The following RNF19B variants were observed in gnomAD, a reference collection of about 807,000 sequenced individuals.
The protein encoded by RNF19B is ring finger protein 19B.
Under a neutral mutation model 65.5 loss-of-function variants are expected in RNF19B, and 23 were observed. The observed-to-expected ratio is 0.35, with a 90% CI of 0.25 to 0.50. RNF19B has a LOEUF of 0.50. Among genes scored for constraint, RNF19B ranks in the 20% least tolerant of loss-of-function variants. RNF19B has a pLI of 0.98. For synonymous variants in RNF19B, 372 were observed against 379.6 expected, an observed-to-expected ratio of 0.98 and a Z score of 0.23; for missense variants, 794 against 980.0, an observed-to-expected ratio of 0.81 and a Z score of 2.53.
chr1:32,941,176 T>C (rs1037212197), intron 7 of RNF19B, among the ~76,000 whole-genome samples: 5 of 151,976 alleles, frequency 3.3e-5, no homozygotes, highest in Admixed American at 3.3e-4. Flanking sequence ...TGAGCCATGA[T>C]TGTGCCACTG....
At chr1:32,929,325 C>A in the RNF19B span, among the ~76,000 whole-genome samples, 972 of 152,250 alleles carry the variant, frequency 6.4e-3, 15 homozygotes, top group African/African-American at 0.022. Flanking sequence ...GCCAATAAGA[C>A]CTCATCTTAA....
At chr1:32,953,152 TAG>T (rs1322597692) in intron 1 of RNF19B, among the ~76,000 whole-genome samples, 1 of 151,460 alleles carries the variant, frequency 6.6e-6, no homozygotes, top group African/African-American at 2.4e-5. Context: ...TTTTTTTTTG[TAG>T]AGACAGGGTT....
chr1:32,956,399 T>C (rs570997987), intron 1 of RNF19B, among the ~76,000 whole-genome samples: 1 of 151,558 alleles, frequency 6.6e-6, no homozygotes, highest in African/African-American at 2.4e-5. Context: ...ACAACAAAAA[T>C]TAGCCGAGTG....
In RNF19B at chr1:32,936,597, G is replaced by T; in HGVS notation, c.*209C>A. On this transcript the variant is annotated 3_prime_UTR_variant, in exon 9 of 9. Transcript: ENST00000235150. ...AATAAATTAAAACTAAAAAGAGGGA[G>T]GGGAGGGGAGGGGAACTAACGGCAA... 1 of 486,978 alleles carries T rather than the reference G, an allele frequency of 2.1e-6. No individual in the cohort carries two copies. 30.2% of individuals were successfully genotyped at this position (486,978 alleles called of 1,614,324 possible). A position where few individuals can be genotyped will look rare whatever the true frequency, so the allele number is the denominator to read the frequency against.
chr1:32,934,313 G>A (rs1282956433), downstream of RNF19B, among the ~76,000 whole-genome samples: 1 of 152,194 alleles, frequency 6.6e-6, no homozygotes, highest in African/African-American at 2.4e-5. Flanking sequence ...TGGTCTTCAG[G>A]GAAAGGAGGA....
chr1:32,963,212 G>C (rs750792046), intron 1 of RNF19B, among the ~76,000 whole-genome samples: 1 of 152,120 alleles, frequency 6.6e-6, no homozygotes, highest in Non-Finnish European at 1.5e-5. Flanking sequence ...GCGTGGCACA[G>C]AACACATAGT....
At chr1:32,954,272 A>G (rs1376277169) in intron 1 of RNF19B, among the ~76,000 whole-genome samples, 1 of 151,322 alleles carries the variant, frequency 6.6e-6, no homozygotes, top group East Asian at 1.9e-4. Flanking sequence ...GTCAATTTTG[A>G]GTGTGTAATT....
At chr1:32,929,208 C>A in the RNF19B span, among the ~76,000 whole-genome samples, 1 of 152,158 alleles carries the variant, frequency 6.6e-6, no homozygotes, top group East Asian at 1.9e-4. Flanking sequence ...CTGCATCACC[C>A]CAGTCTCTGC....
At chr1:32,933,490 T>C (rs549171786), downstream of RNF19B, among the ~76,000 whole-genome samples, 2 of 152,002 alleles carry the variant, frequency 1.3e-5, no homozygotes, top group South Asian at 4.2e-4. Flanking sequence ...CTCCCGACCT[T>C]GTGAGCCGCC....
chr1:32,963,508 G>T (rs939755859), intron 1 of RNF19B, among the ~76,000 whole-genome samples: 3 of 152,086 alleles, frequency 2.0e-5, no homozygotes, highest in Admixed American at 6.6e-5. Flanking sequence ...CTGAGGTCAG[G>T]AGTTCGAGAC....
At chr1:32,945,882 T>TTA (rs1019936820) in intron 4 of RNF19B, among the ~76,000 whole-genome samples, 4 of 150,446 alleles carry the variant, frequency 2.7e-5, no homozygotes, top group South Asian at 2.1e-4. Context: ...CTTCTTTTAT[T>TTA]TTTTTTTTTG....
At chr1:32,951,445 G>A (rs1642496910) in intron 1 of RNF19B, among the ~76,000 whole-genome samples, 1 of 152,214 alleles carries the variant, frequency 6.6e-6, no homozygotes, top group African/African-American at 2.4e-5. Context: ...GCACATGCAG[G>A]AGCCACCAGT....
intron 1 of RNF19B, among the ~76,000 whole-genome samples, chr1:32,953,310 G>T (rs1642555039): frequency 6.6e-6 from 1 of 151,812 alleles, no homozygotes; most frequent in South Asian, 2.1e-4. Context: ...GTAATTGCAG[G>T]TTTCCGTGTT....
chr1:32,935,359 G>A (rs1204206338), downstream of RNF19B, among the ~76,000 whole-genome samples: 3 of 151,468 alleles, frequency 2.0e-5, no homozygotes, highest in Non-Finnish European at 2.9e-5. Flanking sequence ...GGCTGGTCTC[G>A]AACTCCTGAC....
rs1287508616 is a variant in RNF19B, at chr1:32,964,119, C to T, written c.567G>A (p.Glu189=). 2 of 1,541,514 alleles carry T rather than the reference C, an allele frequency of 1.3e-6. No individual in the cohort carries two copies. Among genetic ancestry groups the T allele is most frequent in the Non-Finnish European group, 1.7e-6 (2 of 1,143,310 alleles). Residue 189 remains glutamate, a synonymous_variant, in exon 1 of 9, where the codon GAG becomes GAA. Transcript: ENST00000235150. The surrounding 1 kb of genome is among the most constrained non-coding windows in gnomAD (Gnocchi z 6.5). ...CTAGGTAGCGGCGCAGCATGAACTC[C>T]TCGTACTTGTGCATAAGCGGCGGGT... ...LADPPLMHKY[E]EFMLRRYLAS... is the part of the protein sequence containing the mutation.
intron 1 of RNF19B, among the ~76,000 whole-genome samples, chr1:32,957,795 C>T (rs574369259): frequency 6.6e-6 from 1 of 152,312 alleles, no homozygotes; most frequent in South Asian, 2.1e-4. Context: ...GATGGCACAA[C>T]TGCACTCCAG....
At position 32,937,155 on chromosome 1, in the gene RNF19B, T is replaced by C; in HGVS notation, c.1847A>G (p.Gln616Arg). 10 of 1,614,242 alleles carry C rather than the reference T, an allele frequency of 6.2e-6. No homozygotes were observed. Among genetic ancestry groups the C allele is most frequent in the Non-Finnish European group, 8.5e-6 (10 of 1,180,052 alleles). Residue 616 changes from glutamine (Q) to arginine (R), a missense_variant, in exon 9 of 9, where the codon CAG (glutamine) becomes CGG (arginine). Gln to Arg is a conservative substitution (Grantham distance 43). Around this residue, in one of 3 missense-constraint regions of RNF19B, gnomAD observed 368 missense variants for 447.3 expected, o/e 0.82. Transcript: ENST00000235150. ...STEDSLHVHA[Q>R]MAENEEEGSG... ...ACCTTCTTCTTCATTCTCTGCCATC[T>C]GAGCATGAACATGGAGCGAGTCCTC...
At chr1:32,935,634 G>A (rs866465833), downstream of RNF19B, among the ~76,000 whole-genome samples, 1 of 152,156 alleles carries the variant, frequency 6.6e-6, no homozygotes, top group African/African-American at 2.4e-5. Flanking sequence ...AACACGGAGT[G>A]GTATACCTGA....
rs1389057991 is a variant in RNF19B, at chr1:32,940,194, C to T, written c.1611-1666G>A. Among the ~76,000 whole-genome samples the T allele has an allele frequency of 4.6e-5, 7 of 152,222 alleles. No individual in the cohort carries two copies. The East Asian group carries it at 1.3e-3, about 29-fold the overall frequency. On this transcript the variant is annotated intron_variant, in intron 7 of 8. Transcript: ENST00000235150. Reference sequence around the variant, plus strand: ...ATCACTCTGAGTTGGAAGAGTCTTTCAGAAAGGGCTCCTACTTAGGTGGTT... The same window carrying T: ...ATCACTCTGAGTTGGAAGAGTCTTTTAGAAAGGGCTCCTACTTAGGTGGTT...
Sources: allele counts gnomAD v4.1 joint callset (sites outside exome capture counted in the v4.1 genomes callset), GRCh38; gene constraint gnomAD v4.1.1; regional missense constraint gnomAD v4.1.1; non-coding constraint Gnocchi (gnomAD v3.1); transcripts MANE v1.5; gene names NCBI Gene and HGNC (gene_info 2026-07-23, HGNC 2026-07-21).